Variants in ANKRD28 observed in about 807,000 individuals in gnomAD.
ANKRD28 encodes serine/threonine-protein phosphatase 6 regulatory ankyrin repeat subunit A.
In ANKRD28, 44 loss-of-function variants were observed where a neutral mutation model predicts 126.5. The ratio of observed to expected loss-of-function variants is 0.35; its 90% CI spans 0.27 to 0.45. The LOEUF is 0.45. ANKRD28 is among the 20% of genes least tolerant of loss of function. ANKRD28 has a pLI of 1.00. For synonymous variants in ANKRD28, 442 were observed against 468.5 expected, an observed-to-expected ratio of 0.94 and a Z score of 0.73; for missense variants, 1,110 against 1,316.6, an observed-to-expected ratio of 0.84 and a Z score of 2.43.
chr3:15,702,659 T>G (rs10510442), intron 14 of ANKRD28, among the ~76,000 whole-genome samples: 1 of 152,126 alleles, frequency 6.6e-6, no homozygotes, highest in Non-Finnish European at 1.5e-5. Flanking sequence ...TTTTGAGTTC[T>G]GAGGCAAGTT....
At chr3:15,813,186 T>C (rs1436982868) in intron 1 of ANKRD28, among the ~76,000 whole-genome samples, 2 of 151,742 alleles carry the variant, frequency 1.3e-5, no homozygotes, top group Non-Finnish European at 2.9e-5. Flanking sequence ...GGCAACATGG[T>C]ACAACCCCAT....
In ANKRD28 at chr3:15,709,754, A is replaced by C. The variant is rs1053785390; in HGVS notation, c.1338-18T>G. ...CCAAATTCCTATTGAGAGAAAATAC[A>C]GTTAGAAAACTTAATTGACAGTGAT... is the stretch of plus-strand genomic sequence containing the variant. On this transcript the variant is annotated intron_variant, in intron 12 of 27. Coordinates refer to ENST00000683139, the MANE Select transcript of ANKRD28 (RefSeq NM_001349278.2). 1.3e-6 allele frequency: 2 copies of C among 1,522,734 alleles called. No individual in the cohort carries two copies. Among genetic ancestry groups the C allele is most frequent in the Non-Finnish European group, 1.8e-6 (2 of 1,125,712 alleles). The allele number at this position is 1,522,734 out of a possible 1,614,324, so 94.3% of individuals were successfully genotyped here. A position where few individuals can be genotyped will look rare whatever the true frequency, so the allele number is the denominator to read the frequency against.
intron 4 of ANKRD28, among the ~76,000 whole-genome samples, chr3:15,745,093 C>T (rs2125286826): frequency 6.6e-6 from 1 of 151,958 alleles, no homozygotes; most frequent in African/African-American, 2.4e-5. Context: ...TTGTTTTTTT[C>T]TTGCTGATTT....
intron 1 of ANKRD28, among the ~76,000 whole-genome samples, chr3:15,851,646 G>A (rs1004776257): frequency 3.9e-5 from 6 of 152,070 alleles, no homozygotes; most frequent in East Asian, 1.9e-4. Flanking sequence ...AGACAATAAC[G>A]AGTAGTATTG....
intron 5 of ANKRD28, 42 bp downstream of exon 5, chr3:15,736,991 C>T: frequency 6.3e-7 from 1 of 1,590,042 alleles, no homozygotes. Flanking sequence ...GGGGGGTGGA[C>T]AGGAGGAGAG....
chr3:15,721,011 T>C lies in ANKRD28; in HGVS notation c.900A>G (p.Glu300=), dbSNP rs377594585. The stretch of plus-strand genomic sequence containing the variant: ...CAAAGTGCAAAGGAGTAAATCCTTT[T>C]TCATTCTTTTGATTCACAATAGCAC... ...DCGAIVNQKN[E]KGFTPLHFAA... The change falls in exon 8 of 28, where the codon GAA becomes GAG. Residue 300 remains glutamate (E), a synonymous_variant. Coordinates refer to ENST00000683139, the MANE Select transcript of ANKRD28 (RefSeq NM_001349278.2). 1.9e-5 allele frequency: 30 copies of C among 1,613,928 alleles called. No individual in the cohort carries two copies. The African/African-American group carries it at 3.1e-4, about 16-fold the overall frequency.
intron 2 of ANKRD28, among the ~76,000 whole-genome samples, chr3:15,772,738 G>A (rs917506426): frequency 2.0e-5 from 3 of 152,082 alleles, no homozygotes; most frequent in Non-Finnish European, 2.9e-5. Context: ...CCAGGCTAGC[G>A]TGCAGTGGCG....
rs2066202809 is a variant in ANKRD28, at chr3:15,670,140, A to C, written c.*130T>G. The C allele has an allele frequency of 2.0e-6, 2 of 1,024,450 alleles. No homozygotes were observed. The highest frequency in any genetic ancestry group is 2.8e-6 in the Non-Finnish European group (2 of 714,142). 63.5% of individuals were successfully genotyped at this position (1,024,450 alleles called of 1,614,324 possible). A position where few individuals can be genotyped will look rare whatever the true frequency, so the allele number is the denominator to read the frequency against. On this transcript the variant is annotated 3_prime_UTR_variant, in exon 28 of 28. Coordinates refer to ENST00000683139, the MANE Select transcript of ANKRD28 (RefSeq NM_001349278.2). ...AAACTCTTCCTCCTAATGCCATCAGATCTCTTAACATTGGCTCACTGTGGG... is the reference window on the plus strand; with the variant it reads ...AAACTCTTCCTCCTAATGCCATCAGCTCTCTTAACATTGGCTCACTGTGGG...
intron 14 of ANKRD28, among the ~76,000 whole-genome samples, chr3:15,706,010 C>CAA (rs1341158222): frequency 6.7e-6 from 1 of 149,812 alleles, no homozygotes; most frequent in Non-Finnish European, 1.5e-5. Context: ...CAAAACGAAA[C>CAA]AAAACAACAA....
intron 4 of ANKRD28, among the ~76,000 whole-genome samples, chr3:15,741,990 C>T (rs1185989870): frequency 3.9e-5 from 6 of 152,090 alleles, no homozygotes; most frequent in East Asian, 1.9e-4. Flanking sequence ...CCGCCAGCCT[C>T]GGCCTCCCGA....
intron 6 of ANKRD28, among the ~76,000 whole-genome samples, chr3:15,729,798 C>T (rs540158361): frequency 6.6e-6 from 1 of 152,302 alleles, no homozygotes; most frequent in South Asian, 2.1e-4. Flanking sequence ...TTTACAGCCT[C>T]TTTCCCCCCA....
intron 2 of ANKRD28, among the ~76,000 whole-genome samples, chr3:15,772,024 T>C (rs539229136): frequency 4.4e-4 from 67 of 152,286 alleles, no homozygotes; most frequent in African/African-American, 1.5e-3. Context: ...TAGAAAAGTA[T>C]TTTGAATGGA....
At position 15,796,527 on chromosome 3, in the gene ANKRD28, C is replaced by T. The variant is rs777767684; in HGVS notation, c.-6G>A. On this transcript the variant is annotated 5_prime_UTR_variant, in exon 1 of 28. Coordinates refer to ENST00000683139, the MANE Select transcript of ANKRD28 (RefSeq NM_001349278.2). The stretch of plus-strand genomic sequence containing the variant: ...ACAATACACACTCGACTCATTCGAT[C>T]TTTTAAAACACTAAATTCCAAGCTA... The T allele has an allele frequency of 7.5e-5, 96 of 1,279,208 alleles. 1 individual carries two copies. In the South Asian group the frequency reaches 1.2e-3, roughly 16 times the overall value. The allele number at this position is 1,279,208 out of a possible 1,614,324, so 79.2% of individuals were successfully genotyped here. A position where few individuals can be genotyped will look rare whatever the true frequency, so the allele number is the denominator to read the frequency against.
intron 7 of ANKRD28, among the ~76,000 whole-genome samples, chr3:15,723,844 A>G (rs1372181119): frequency 6.6e-6 from 1 of 152,224 alleles, no homozygotes; most frequent in Non-Finnish European, 1.5e-5. Flanking sequence ...GAAAAGCTAC[A>G]GGTATTCTAA....
chr3:15,836,651 A>G (rs367771917), intron 1 of ANKRD28, among the ~76,000 whole-genome samples: 144 of 152,354 alleles, frequency 9.5e-4, no homozygotes, highest in African/African-American at 3.4e-3. Context: ...AAGAATACCC[A>G]TAAGAGAGCT....
intron 3 of ANKRD28, 68 bp downstream of exon 3, chr3:15,766,166 T>G (rs903019886): frequency 8.0e-7 from 1 of 1,247,406 alleles, no homozygotes; most frequent in Non-Finnish European, 1.1e-6. Flanking sequence ...TAGTCAATTA[T>G]GATTGAGAAA....
chr3:15,718,079 C>T (rs1360994909), intron 8 of ANKRD28, among the ~76,000 whole-genome samples: 2 of 151,990 alleles, frequency 1.3e-5, no homozygotes, highest in East Asian at 3.8e-4. Flanking sequence ...CTTAATAACA[C>T]CGATTTTACA....
intron 4 of ANKRD28, among the ~76,000 whole-genome samples, chr3:15,745,060 C>G (rs1346422657): frequency 6.6e-6 from 1 of 152,072 alleles, no homozygotes; most frequent in Non-Finnish European, 1.5e-5. Context: ...CTATTCATGT[C>G]CTTAGCCCAC....
Position 15,797,083 on chromosome 3 carries a change from T to A in ANKRD28, c.-562A>T. 1.0e-6 allele frequency: 1 copy of A among 985,320 alleles called. No individual in the cohort carries two copies. Among genetic ancestry groups the A allele is most frequent in the Non-Finnish European group, 1.2e-6 (1 of 829,902 alleles). 61.0% of individuals were successfully genotyped at this position (985,320 alleles called of 1,614,324 possible). On this transcript the variant is annotated 5_prime_UTR_variant, in exon 1 of 28. The change creates a new upstream start codon in the 5' untranslated region. Coordinates refer to ENST00000683139, the MANE Select transcript of ANKRD28 (RefSeq NM_001349278.2). The stretch of plus-strand genomic sequence containing the variant: ...TCCACTTCTAATTTGTCTTCATTTC[T>A]TCATCACTGGTTTAATGCAGATACT...
Sources: allele counts gnomAD v4.1 joint callset (sites outside exome capture counted in the v4.1 genomes callset), GRCh38; gene constraint gnomAD v4.1.1; transcripts MANE v1.5; gene names NCBI Gene and HGNC (gene_info 2026-07-23, HGNC 2026-07-21).